C6orf58: variants seen among roughly 807,000 people sequenced by gnomAD.
C6orf58 encodes the protein chromosome 6 open reading frame 58, also known as protein LEG1 homolog.
Under a neutral mutation model 37.0 loss-of-function variants are expected in C6orf58, and 30 were observed. The ratio of observed to expected loss-of-function variants is 0.81; its 90% CI spans 0.61 to 1.10. The LOEUF (loss-of-function observed/expected upper bound fraction) is 1.10, where lower values mean the gene tolerates loss of function less well. Among genes scored for constraint, C6orf58 ranks in the 50% least tolerant of loss-of-function variants. The pLI is 0.00. For missense variants in C6orf58, 368 were observed against 387.5 expected, an observed-to-expected ratio of 0.95 and a Z score of 0.42; for synonymous variants, 143 against 134.1, an observed-to-expected ratio of 1.07 and a Z score of -0.46.
At chr6:127,578,577 G>T in intron 1 of C6orf58, 109 bp from the exon 2 acceptor site, 1 of 650,892 alleles carries the variant, frequency 1.5e-6, no homozygotes, top group Admixed American at 2.6e-5. Context: ...ATATCATTCA[G>T]AAATAAATGC....
rs148469072 is a variant in C6orf58 at position 127,578,700 on chromosome 6, C to G, written c.316C>G (p.Pro106Ala). ...CTCTCCTCCAGGCAGATTAGCTGAT[C>G]CAACCCGAAGGACAAACTGTGGCTA... ...WQYRTGRLAD[P>A]TRRTNCGYES... The change falls in exon 2 of 6, where the codon CCA (proline) becomes GCA (alanine). Residue 106 changes from proline (P) to alanine (A), a missense_variant. Physicochemically the swap from Pro to Ala is conservative, Grantham distance 27. Coordinates refer to ENST00000329722, the MANE Select transcript of C6orf58 (RefSeq NM_001010905.3). 17 of 1,612,164 alleles carry G rather than the reference C, an allele frequency of 1.1e-5. No individual in the cohort carries two copies. Among genetic ancestry groups the G allele is most frequent in the African/African-American group, 6.7e-5 (5 of 74,780 alleles).
At chr6:127,589,791 C>T (rs544974510) in intron 4 of C6orf58, among the ~76,000 whole-genome samples, 73 of 152,086 alleles carry the variant, frequency 4.8e-4, no homozygotes, top group African/African-American at 1.8e-3. Flanking sequence ...TTTAAAAATG[C>T]CTTACTTTTG....
At chr6:127,578,826 T>C (rs9385435) in intron 2 of C6orf58, 54 bp downstream of exon 2, 1 of 1,316,894 alleles carries the variant, frequency 7.6e-7, no homozygotes, top group Non-Finnish European at 1.1e-6. Flanking sequence ...AAGAAAGCAT[T>C]CAAACCTAAA....
intron 1 of C6orf58, 70 bp from the exon 2 acceptor site, chr6:127,578,616 G>T: frequency 2.0e-6 from 2 of 1,024,698 alleles, no homozygotes; most frequent in Non-Finnish European, 3.0e-6. Context: ...AATCTATGTG[G>T]TTAAGCAATA....
chr6:127,580,474 A>T (rs2114291239), intron 3 of C6orf58, 25 bp downstream of exon 3: 1 of 1,539,952 alleles, frequency 6.5e-7, no homozygotes, highest in East Asian at 2.3e-5. Flanking sequence ...CTCTTACGAG[A>T]TAGGAAGAGA....
At chr6:127,577,557 C>A in intron 1 of C6orf58, 71 bp downstream of exon 1, 1 of 1,240,560 alleles carries the variant, frequency 8.1e-7, no homozygotes, top group Non-Finnish European at 1.2e-6. Flanking sequence ...AAATTGGACT[C>A]TGTATATACC....
At chr6:127,583,905 A>C (rs1246739165) in intron 4 of C6orf58, among the ~76,000 whole-genome samples, 1 of 152,226 alleles carries the variant, frequency 6.6e-6, no homozygotes, top group Non-Finnish European at 1.5e-5. Context: ...TCCAAAAACT[A>C]TTTCATAAAG....
At chr6:127,578,955 A>T (rs1775019727) in intron 2 of C6orf58, among the ~76,000 whole-genome samples, 183 bp downstream of exon 2, 1 of 152,254 alleles carries the variant, frequency 6.6e-6, no homozygotes, top group Non-Finnish European at 1.5e-5. Context: ...CACAATGTCA[A>T]TAATGATTCC....
intron 4 of C6orf58, among the ~76,000 whole-genome samples, chr6:127,581,904 G>A (rs1775054456): frequency 6.6e-6 from 1 of 152,202 alleles, no homozygotes; most frequent in African/African-American, 2.4e-5. Flanking sequence ...ATGATTGGCT[G>A]AGACCCATAT....
At position 127,591,790 on chromosome 6, in the gene C6orf58, A is replaced by T. The variant is rs1388490627; in HGVS notation, c.*168A>T. 1 of 502,712 alleles carries T rather than the reference A, an allele frequency of 2.0e-6. No homozygotes were observed. The allele number at this position is 502,712 out of a possible 1,614,324, so 31.1% of individuals were successfully genotyped here. A position where few individuals can be genotyped will look rare whatever the true frequency, so the allele number is the denominator to read the frequency against. On this transcript the variant is annotated 3_prime_UTR_variant, in exon 6 of 6. Transcript: ENST00000329722. Reference sequence around the variant, plus strand: ...TTAAGATCTTGTACATGTATTAAAAACTTAAATTAAATGCATTCAAGTTAA... The same window carrying T: ...TTAAGATCTTGTACATGTATTAAAATCTTAAATTAAATGCATTCAAGTTAA...
At chr6:127,591,819 AATG>A (rs1201603658) in exon 6 of C6orf58, 12 of 354,564 alleles carry the variant, frequency 3.4e-5, no homozygotes, top group Non-Finnish European at 5.8e-5. Context: ...AAGTTAAAAT[AATG>A]ATTATTTTGC....
At chr6:127,590,064 A>G (rs1052235234) in intron 4 of C6orf58, 23 bp from the exon 5 acceptor site, 3 of 1,532,624 alleles carry the variant, frequency 2.0e-6, no homozygotes, top group Non-Finnish European at 2.7e-6. Context: ...TTATAATTAA[A>G]TACTTTTCCG....
chr6:127,578,658 A>G, intron 1 of C6orf58, 28 bp from the exon 2 acceptor site: 1 of 1,541,166 alleles, frequency 6.5e-7, no homozygotes. Context: ...CGTATAATAA[A>G]TACGACTGTG....
At chr6:127,579,104 G>A (rs553583914) in intron 2 of C6orf58, among the ~76,000 whole-genome samples, 139 of 152,196 alleles carry the variant, frequency 9.1e-4, no homozygotes, top group African/African-American at 3.1e-3. Flanking sequence ...ACGATGAGAA[G>A]TGAGACATCA....
At chr6:127,589,481 T>C (rs767258669) in intron 4 of C6orf58, among the ~76,000 whole-genome samples, 3 of 152,196 alleles carry the variant, frequency 2.0e-5, no homozygotes, top group Non-Finnish European at 2.9e-5. Flanking sequence ...TTTGTCCCCA[T>C]TTCTTAGGAG....
chr6:127,591,735 T>C lies in C6orf58; in HGVS notation c.*113T>C. ...GTCATCATGACCATGTAGTTTATTC[T>C]TTCTGATATTTTTGATTTATGCTTA... On this transcript the variant is annotated 3_prime_UTR_variant, in exon 6 of 6. Transcript: ENST00000329722. 1.0e-6 allele frequency: 1 copy of C among 956,782 alleles called. No homozygotes were observed. Among genetic ancestry groups the C allele is most frequent in the East Asian group, 3.4e-5 (1 of 29,082 alleles). 59.3% of individuals were successfully genotyped at this position (956,782 alleles called of 1,614,324 possible).
At chr6:127,578,162 A>C (rs1775010264) in intron 1 of C6orf58, among the ~76,000 whole-genome samples, 1 of 152,138 alleles carries the variant, frequency 6.6e-6, no homozygotes, top group Admixed American at 6.6e-5. Flanking sequence ...TTGGAAGAAA[A>C]ACAATGATTA....
rs199672479 is a variant in C6orf58, at chr6:127,578,734, G to A, written c.350G>A (p.Gly117Glu). ...AGGACAAACTGTGGCTATGAATCTG[G>A]AGATCATATGTGCATCTCTGTGGAC... ...TRRTNCGYESGDHMCISVDSW... is the reference protein window; with the variant it reads ...TRRTNCGYESEDHMCISVDSW... The change falls in exon 2 of 6, where the codon GGA becomes GAA. Residue 117 changes from glycine (G) to glutamate (E), a missense_variant. By Grantham distance (98) the Gly-to-Glu change is moderately conservative (BLOSUM62 -2). Transcript: ENST00000329722. The A allele has an allele frequency of 1.9e-6, 3 of 1,612,868 alleles. No homozygotes were observed. In the African/African-American group the frequency reaches 4.0e-5, roughly 22 times the overall value.
At chr6:127,590,887 A>G (rs1562162022) in intron 5 of C6orf58, among the ~76,000 whole-genome samples, 1 of 152,116 alleles carries the variant, frequency 6.6e-6, no homozygotes, top group Non-Finnish European at 1.5e-5. Flanking sequence ...TATCATTCCC[A>G]TTTGCCATAC....
Sources: gnomAD v4.1 joint callset for allele counts (sites outside exome capture counted in the v4.1 genomes callset) on GRCh38, gnomAD v4.1.1 for gene constraint, MANE v1.5 for transcripts, NCBI Gene and HGNC (gene_info 2026-07-23, HGNC 2026-07-21) for gene names.